Variants in RNF144A observed in about 807,000 individuals in gnomAD.
RNF144A encodes ring finger protein 144A, also known as E3 ubiquitin-protein ligase RNF144A.
In RNF144A, 11 loss-of-function variants were observed where a neutral mutation model predicts 38.7. The observed-to-expected ratio is 0.28, with a 90% CI of 0.18 to 0.47. The LOEUF (loss-of-function observed/expected upper bound fraction) is 0.47. Among genes scored for constraint, RNF144A ranks in the 20% least tolerant of loss-of-function variants. The pLI, the probability that RNF144A is intolerant of heterozygous loss-of-function variation, is 0.99. For missense variants in RNF144A, 316 were observed against 377.2 expected, an observed-to-expected ratio of 0.84 and a Z score of 1.34; for synonymous variants, 149 against 143.9, an observed-to-expected ratio of 1.04 and a Z score of -0.25.
intron 3 of RNF144A, among the ~76,000 whole-genome samples, chr2:7,007,355 C>T (rs1036867553): frequency 4.6e-5 from 7 of 152,244 alleles, no homozygotes; most frequent in African/African-American, 1.7e-4. Flanking sequence ...GAAAGTGTCA[C>T]ACGATTACAA....
chr2:6,994,988 C>T (rs1669627025), intron 2 of RNF144A, among the ~76,000 whole-genome samples: 2 of 152,210 alleles, frequency 1.3e-5, no homozygotes, highest in African/African-American at 4.8e-5. Flanking sequence ...TGGGCCCCAT[C>T]TGCTGGGTGA....
At chr2:7,048,979 C>T (rs1040817488), downstream of RNF144A, among the ~76,000 whole-genome samples, 7 of 152,180 alleles carry the variant, frequency 4.6e-5, no homozygotes, top group African/African-American at 1.7e-4. Context: ...AGTCCCTCCT[C>T]CCCACCGGGG....
intron 1 of RNF144A, among the ~76,000 whole-genome samples, chr2:6,929,352 C>T (rs889384918): frequency 6.6e-6 from 1 of 152,148 alleles, no homozygotes; most frequent in Non-Finnish European, 1.5e-5. Context: ...CAGAGTTTGA[C>T]ATTTATTTGT....
At chr2:6,927,998 C>G (rs760734709) in intron 1 of RNF144A, among the ~76,000 whole-genome samples, 2 of 152,148 alleles carry the variant, frequency 1.3e-5, no homozygotes, top group African/African-American at 4.8e-5. Flanking sequence ...CAGGGCCCCT[C>G]GCCTGCATCT....
intron 2 of RNF144A, among the ~76,000 whole-genome samples, chr2:6,992,770 C>G (rs1669474875): frequency 6.6e-6 from 1 of 152,206 alleles, no homozygotes; most frequent in South Asian, 2.1e-4. Flanking sequence ...TCTGCTGAAT[C>G]TCTCTACAGT....
intron 6 of RNF144A, among the ~76,000 whole-genome samples, chr2:7,052,632 C>G (rs1673574816): frequency 6.6e-6 from 1 of 152,126 alleles, no homozygotes; most frequent in Admixed American, 6.5e-5. Context: ...CCCAGGCTCC[C>G]CAGGGACTCT....
At chr2:6,926,850 A>G (rs1664907919) in intron 1 of RNF144A, among the ~76,000 whole-genome samples, 1 of 152,168 alleles carries the variant, frequency 6.6e-6, no homozygotes, top group Non-Finnish European at 1.5e-5. Flanking sequence ...TCATTTGGCA[A>G]AAACTACTTG....
At chr2:6,924,465 G>C (rs1572190371) in intron 1 of RNF144A, among the ~76,000 whole-genome samples, 2 of 152,358 alleles carry the variant, frequency 1.3e-5, no homozygotes, top group South Asian at 4.1e-4. Context: ...GTGGAAATGG[G>C]ACTCAGCATA....
chr2:6,951,324 C>T (rs957698612), intron 2 of RNF144A, among the ~76,000 whole-genome samples: 3 of 151,204 alleles, frequency 2.0e-5, no homozygotes, highest in African/African-American at 7.3e-5. Flanking sequence ...TTAGGTTGCC[C>T]ACCTCTGTGT....
At position 6,917,952 on chromosome 2, in the gene RNF144A, C is replaced by T. The variant is rs1664240670; in HGVS notation, c.-212+330C>T. Among the ~76,000 whole-genome samples, 1 of 151,446 alleles carries T rather than the reference C, an allele frequency of 6.6e-6. No individual in the cohort carries two copies. Among genetic ancestry groups the T allele is most frequent in the South Asian group, 2.1e-4 (1 of 4,828 alleles). The stretch of plus-strand genomic sequence containing the variant: ...TAGGGACCTGGCGTCCCCCTGCCTG[C>T]CCTGCGCGGTCGCGGGTCTGCGCTG... On this transcript the variant is annotated intron_variant, in intron 1 of 8. Transcript: ENST00000320892. The surrounding 1 kb of genome is among the most constrained non-coding windows in gnomAD (Gnocchi z 4.8).
the RNF144A span, among the ~76,000 whole-genome samples, chr2:7,074,896 G>C: frequency 2.0e-5 from 3 of 152,326 alleles, no homozygotes; most frequent in East Asian, 5.8e-4. Flanking sequence ...ATGGGATTGA[G>C]TGATCAAAGA....
chr2:7,014,808 G>T, intron 5 of RNF144A, 36 bp downstream of exon 5: 2 of 1,449,422 alleles, frequency 1.4e-6, no homozygotes, highest in Non-Finnish European at 9.7e-7. Context: ...TATGATTCCT[G>T]TAATGTGTGA....
intron 6 of RNF144A, among the ~76,000 whole-genome samples, chr2:7,022,058 G>A (rs553023641): frequency 1.3e-5 from 2 of 152,192 alleles, no homozygotes; most frequent in Non-Finnish European, 2.9e-5. Flanking sequence ...AAGCCTCTCC[G>A]AGGCTGCCTC....
intron 2 of RNF144A, among the ~76,000 whole-genome samples, chr2:6,992,255 C>G (rs548931905): frequency 6.6e-6 from 1 of 152,212 alleles, no homozygotes; most frequent in Non-Finnish European, 1.5e-5. Flanking sequence ...ATCACTGTGC[C>G]GCCCCACCCA....
Position 6,961,299 on chromosome 2 carries a change from G to T in RNF144A, c.-12+20152G>T, listed in dbSNP as rs568515682. On this transcript the variant is annotated intron_variant, in intron 2 of 8. Transcript: ENST00000320892. ...GATAATAAATCTTTATGATGATAAT[G>T]ATTATGTGCTACGACAATATGACCA... 1.8e-3 allele frequency among the ~76,000 whole-genome samples: 281 copies of T among 152,170 alleles called. 1 individual carries two copies. Among genetic ancestry groups the T allele is most frequent in the African/African-American group, 6.6e-3 (275 of 41,522 alleles).
At chr2:6,954,793 G>A (rs1047811314) in intron 2 of RNF144A, among the ~76,000 whole-genome samples, 8 of 152,160 alleles carry the variant, frequency 5.3e-5, no homozygotes, top group African/African-American at 1.9e-4. Context: ...GTAAGTCCAG[G>A]GCCATGTGAC....
At chr2:6,973,049 T>G (rs1400362625) in intron 2 of RNF144A, among the ~76,000 whole-genome samples, 1 of 152,210 alleles carries the variant, frequency 6.6e-6, no homozygotes, top group East Asian at 1.9e-4. Context: ...AGCCTCTATT[T>G]TCTTATCTAT....
At position 7,024,445 on chromosome 2, in the gene RNF144A, G is replaced by T. The variant is rs1195921282; in HGVS notation, c.586G>T (p.Glu196Ter). The T allele has an allele frequency of 6.2e-7, 1 of 1,613,152 alleles. No homozygotes were observed. ...PKCKVYIERD[E>*]GCAQMMCKNC... ...GTGCAAAGTCTACATCGAGCGAGAC[G>T]AAGGCTGCGCGCAGATGATGTGCAA... Residue 196 changes from glutamate (E) to a stop codon, truncating the protein, a stop_gained, in exon 7 of 9, where the codon GAA becomes TAA. Coordinates refer to ENST00000320892, the MANE Select transcript of RNF144A (RefSeq NM_014746.6). LOFTEE classifies it high-confidence loss of function.
intron 2 of RNF144A, among the ~76,000 whole-genome samples, chr2:6,945,869 A>G (rs1045805563): frequency 6.6e-6 from 1 of 152,156 alleles, no homozygotes; most frequent in African/African-American, 2.4e-5. Flanking sequence ...GCCTGCTGTG[A>G]GGAAAGAGAT....
Sources: gnomAD v4.1 joint callset for allele counts (sites outside exome capture counted in the v4.1 genomes callset) on GRCh38, gnomAD v4.1.1 for gene constraint, Gnocchi (gnomAD v3.1) non-coding constraint, MANE v1.5 for transcripts, NCBI Gene and HGNC (gene_info 2026-07-23, HGNC 2026-07-21) for gene names.